POLE2: variants seen among roughly 807,000 people sequenced by gnomAD.
POLE2 encodes the protein DNA polymerase epsilon 2, accessory subunit.
POLE2 carries 56 observed loss-of-function variants against 79.4 expected under a neutral mutation model. The ratio of observed to expected loss-of-function variants is 0.71; its 90% CI spans 0.57 to 0.88. The LOEUF (loss-of-function observed/expected upper bound fraction) is 0.88, where lower values mean the gene tolerates loss of function less well. POLE2 is among the 40% of genes least tolerant of loss of function. The probability of loss-of-function intolerance (pLI) is 0.00; values close to 1 mark genes in which losing one functional copy is unlikely to be tolerated. For synonymous variants in POLE2, 212 were observed against 214.0 expected (o/e 0.99, Z 0.08); for missense variants, 598 against 638.9 (o/e 0.94, Z 0.69).
chr14:49,675,964 G>A (rs1274709226), intron 3 of POLE2, among the ~76,000 whole-genome samples: 2 of 151,790 alleles, frequency 1.3e-5, no homozygotes, highest in African/African-American at 4.8e-5. Flanking sequence ...GTGTTGGCCA[G>A]GCTGGTCTCA....
At chr14:49,681,830 C>T (rs1020101120) in intron 2 of POLE2, 1 of 73,962 alleles carries the variant, frequency 1.4e-5, no homozygotes, top group African/African-American at 5.1e-5. Flanking sequence ...CCGCTCTCAC[C>T]AAAAAAAAAA....
At position 49,674,136 on chromosome 14, in the gene POLE2, G is replaced by C. The variant is rs376373426; in HGVS notation, c.404C>G (p.Thr135Ser). 2 of 1,608,288 alleles carry C rather than the reference G, an allele frequency of 1.2e-6. No homozygotes were observed. Among genetic ancestry groups the C allele is most frequent in the Non-Finnish European group, 1.7e-6 (2 of 1,174,858 alleles). The change falls in exon 5 of 19, where the codon ACC becomes AGC. Residue 135 changes from threonine (T) to serine (S), a missense_variant. Thr to Ser is a moderately conservative substitution (Grantham distance 58, BLOSUM62 1). Transcript: ENST00000216367. ...TACCAAACTTACCTGGTGCAAAATG[G>C]TATATCGCTCACGAAACATCTCTGC... ...DKAEMFRERY[T>S]ILHQRTHRHE...
chr14:49,665,189 C>G (rs376247538), intron 7 of POLE2, 26 bp from the exon 8 acceptor site: 1 of 991,866 alleles, frequency 1.0e-6, no homozygotes, highest in East Asian at 2.4e-5. Context: ...TAAATAAATC[C>G]ACATTTATGT....
At chr14:49,650,081 C>G in intron 17 of POLE2, 184 bp downstream of exon 17, 1 of 356,808 alleles carries the variant, frequency 2.8e-6, no homozygotes, top group Non-Finnish European at 4.8e-6. Flanking sequence ...TTTATAGTCA[C>G]TATACTGAAA....
intron 1 of POLE2, among the ~76,000 whole-genome samples, 183 bp downstream of exon 1, chr14:49,687,953 C>T (rs1466984879): frequency 6.6e-6 from 1 of 152,214 alleles, no homozygotes; most frequent in Non-Finnish European, 1.5e-5. Flanking sequence ...CCGCCTCGAC[C>T]TCCCAAAGTG....
chr14:49,685,143 T>A (rs757103509), intron 1 of POLE2, among the ~76,000 whole-genome samples: 17 of 152,170 alleles, frequency 1.1e-4, no homozygotes, highest in Non-Finnish European at 1.9e-4. Flanking sequence ...ATTAAACAAT[T>A]AGCTAATTAC....
intron 1 of POLE2, among the ~76,000 whole-genome samples, chr14:49,686,851 C>T (rs948364078): frequency 2.0e-5 from 3 of 152,194 alleles, no homozygotes; most frequent in South Asian, 2.1e-4. Context: ...TCATTATTTT[C>T]TCCCAAGGCA....
chr14:49,659,302 G>C (rs115462987), intron 10 of POLE2, among the ~76,000 whole-genome samples: 2 of 151,850 alleles, frequency 1.3e-5, no homozygotes. Context: ...TACTTGGGAA[G>C]CTGAGGCAGG....
At position 49,647,348 on chromosome 14, in the gene POLE2, T is replaced by C. The variant is rs1883854661; in HGVS notation, c.1510A>G (p.Arg504Gly). The C allele has an allele frequency of 1.3e-6, 2 of 1,568,760 alleles. No individual in the cohort carries two copies. Among genetic ancestry groups the C allele is most frequent in the African/African-American group, 1.4e-5 (1 of 73,126 alleles). Residue 504 changes from arginine to glycine, a missense_variant, in exon 18 of 19, where the codon AGA (arginine) becomes GGA (glycine). By Grantham distance (125) the Arg-to-Gly change is moderately radical (BLOSUM62 -2). Transcript: ENST00000216367. ...CLCINPGSFP[R>G]SGFSFKVFYP... The stretch of plus-strand genomic sequence containing the variant: ...AAAACTTTGAATGAAAATCCACTTC[T>C]TGGAAAAGAGCCCTTTGGGGGAGAA...
chr14:49,663,896 G>A (rs1374897244), intron 9 of POLE2, among the ~76,000 whole-genome samples: 1 of 151,840 alleles, frequency 6.6e-6, no homozygotes, highest in Non-Finnish European at 1.5e-5. Context: ...AATTAGCCAG[G>A]CGTAGTGGCA....
At chr14:49,650,098 GAACTTTCTGTGTATACC>G (rs1328267079) in intron 17 of POLE2, 150 bp downstream of exon 17, 4 of 396,384 alleles carry the variant, frequency 1.0e-5, no homozygotes, top group African/African-American at 2.1e-5. Context: ...GAAAGTTTAA[GAACTTTCTGTGTATACC>G]AACTTTCTGT....
intron 3 of POLE2, chr14:49,677,817 C>T (rs1886394912): frequency 7.4e-6 from 4 of 543,400 alleles, no homozygotes; most frequent in Non-Finnish European, 1.2e-5. Flanking sequence ...CAGCAGCACC[C>T]TCACAATGCT....
intron 9 of POLE2, 29 bp from the exon 10 acceptor site, chr14:49,663,416 G>A (rs1308638869): frequency 3.3e-6 from 5 of 1,498,238 alleles, no homozygotes; most frequent in Admixed American, 3.5e-5. Context: ...ACTTTCATTT[G>A]TCTAATCCTC....
intron 10 of POLE2, among the ~76,000 whole-genome samples, chr14:49,658,179 C>T (rs1170013416): frequency 6.6e-6 from 1 of 151,986 alleles, no homozygotes; most frequent in Non-Finnish European, 1.5e-5. Flanking sequence ...CGGGTTCATG[C>T]CATTCTCCTG....
In POLE2 at chr14:49,674,173, G is replaced by A. The variant is rs1377361369; in HGVS notation, c.367C>T (p.Pro123Ser). The change falls in exon 5 of 19, where the codon CCA becomes TCA. Residue 123 changes from proline (P) to serine (S), a missense_variant. By Grantham distance (74) the Pro-to-Ser change is moderately conservative. Coordinates refer to ENST00000216367, the MANE Select transcript of POLE2 (RefSeq NM_002692.4). ...CGAAACATCTCTGCTTTATCTCTTG[G>A]TGTTCCAAATAAATTTGGTGCAGGG... ...NHPAPNLFGT[P>S]RDKAEMFRER... 6.2e-7 allele frequency: 1 copy of A among 1,613,464 alleles called. No homozygotes were observed. The highest frequency in any genetic ancestry group is 1.1e-5 in the South Asian group (1 of 91,066).
At chr14:49,651,864 A>G (rs1387631940) in intron 15 of POLE2, among the ~76,000 whole-genome samples, 1 of 152,046 alleles carries the variant, frequency 6.6e-6, no homozygotes, top group African/African-American at 2.4e-5. Context: ...ACCCAGAGGA[A>G]GCGCACTGCA....
intron 5 of POLE2, among the ~76,000 whole-genome samples, chr14:49,673,079 C>T (rs558604913): frequency 3.1e-4 from 47 of 152,214 alleles, no homozygotes; most frequent in Non-Finnish European, 5.1e-4. Context: ...TGATTCTTCA[C>T]CCCCTCCCTT....
At chr14:49,654,287 T>C (rs1424129552) in intron 13 of POLE2, 73 bp from the exon 14 acceptor site, 5 of 961,194 alleles carry the variant, frequency 5.2e-6, no homozygotes, top group Non-Finnish European at 6.4e-6. Flanking sequence ...AAGCAAGTTA[T>C]TCCCTTTGTT....
chr14:49,655,719 A>G lies in POLE2; in HGVS notation c.880T>C (p.Trp294Arg), dbSNP rs777865583. Residue 294 changes from tryptophan to arginine, a missense_variant, in exon 11 of 19, where the codon TGG becomes CGG. Transcript: ENST00000216367. ...TCCAATACTTCCACCTGGTCCAACC[A>G]AACATCAGATAAAAACACAAACATA... The part of the protein sequence containing the change: ...DAMFVFLSDV[W>R]LDQVEVLEKL... 6.2e-7 allele frequency: 1 copy of G among 1,611,366 alleles called. No homozygotes were observed. Among genetic ancestry groups the G allele is most frequent in the African/African-American group, 1.3e-5 (1 of 74,796 alleles).
Sources: allele counts gnomAD v4.1 joint callset (sites outside exome capture counted in the v4.1 genomes callset), GRCh38; gene constraint gnomAD v4.1.1; transcripts MANE v1.5; gene names NCBI Gene and HGNC (gene_info 2026-07-23, HGNC 2026-07-21).